Variants in HBS1L observed in about 807,000 individuals in gnomAD.
HBS1L encodes the protein HBS1 like translational GTPase.
Under a neutral mutation model 88.9 loss-of-function variants are expected in HBS1L, and 55 were observed. The observed-to-expected ratio is 0.62, with a 90% CI of 0.50 to 0.77. HBS1L has a LOEUF of 0.77. HBS1L is among the 30% of genes least tolerant of loss of function. HBS1L has a pLI of 0.00. For missense variants in HBS1L, 741 were observed against 829.3 expected (o/e 0.89, Z 1.31); for synonymous variants, 267 against 288.5 (o/e 0.93, Z 0.76).
chr6:135,000,741 C>A (rs1274811039), intron 5 of HBS1L, among the ~76,000 whole-genome samples: 2 of 150,958 alleles, frequency 1.3e-5, no homozygotes, highest in East Asian at 3.9e-4. Flanking sequence ...TAGGCTCAAG[C>A]AATCCTCCCA....
chr6:135,018,441 T>G (rs541690635), intron 4 of HBS1L, among the ~76,000 whole-genome samples: 2 of 152,022 alleles, frequency 1.3e-5, no homozygotes, highest in African/African-American at 2.4e-5. Context: ...AGATTTCAAT[T>G]TTATGTAAAT....
intron 4 of HBS1L, among the ~76,000 whole-genome samples, chr6:135,008,237 T>G (rs546372668): frequency 6.6e-6 from 1 of 152,212 alleles, no homozygotes; most frequent in Non-Finnish European, 1.5e-5. Flanking sequence ...GAACTAATCA[T>G]CCGTTAGGTA....
rs1054598634 is a variant in HBS1L, at chr6:134,963,819, G to A, written c.*1460C>T. ...ATTGTGTGAGCTGCTCGATCTAAAT[G>A]GAATCAAAGCTAGAGCTACCTCTAA... is the stretch of plus-strand genomic sequence containing the variant. On this transcript the variant is annotated 3_prime_UTR_variant, in exon 18 of 18. Transcript: ENST00000367837. The A allele has an allele frequency of 2.0e-5, 3 of 152,040 alleles. No homozygotes were observed. Among genetic ancestry groups the A allele is most frequent in the Non-Finnish European group, 4.4e-5 (3 of 68,014 alleles). 9.4% of individuals were successfully genotyped at this position (152,040 alleles called of 1,614,324 possible).
At chr6:134,985,187 A>G (rs948935385) in intron 12 of HBS1L, among the ~76,000 whole-genome samples, 154 bp downstream of exon 12, 1 of 152,134 alleles carries the variant, frequency 6.6e-6, no homozygotes, top group Non-Finnish European at 1.5e-5. Context: ...AAATCTGTGC[A>G]TTTTAAGATT....
In HBS1L at chr6:134,965,295, T is replaced by C; in HGVS notation, c.2044-5A>G. ...TCTGACCCATCATTCTTTTATCTGT[T>C]AAAACAAAAAAAAAAAAGACATTTG... On this transcript the variant is annotated splice_polypyrimidine_tract_variant and splice_region_variant and intron_variant, in intron 17 of 17. Transcript: ENST00000367837. 1 of 1,531,742 alleles carries C rather than the reference T, an allele frequency of 6.5e-7. No homozygotes were observed. The highest frequency in any genetic ancestry group is 8.9e-7 in the Non-Finnish European group (1 of 1,124,492). 94.9% of individuals were successfully genotyped at this position (1,531,742 alleles called of 1,614,324 possible). A position where few individuals can be genotyped will look rare whatever the true frequency, so the allele number is the denominator to read the frequency against.
At chr6:135,019,299 A>C (rs1207042352) in intron 4 of HBS1L, among the ~76,000 whole-genome samples, 1 of 151,972 alleles carries the variant, frequency 6.6e-6, no homozygotes, top group Non-Finnish European at 1.5e-5. Flanking sequence ...AACTCTGGTC[A>C]TAAAAATCAG....
At chr6:135,051,410 A>G (rs1777079887) in intron 1 of HBS1L, among the ~76,000 whole-genome samples, 2 of 152,160 alleles carry the variant, frequency 1.3e-5, no homozygotes, top group Non-Finnish European at 2.9e-5. Context: ...GGTAACATCT[A>G]TACAAACCAA....
intron 4 of HBS1L, chr6:135,037,354 A>G (rs1776587155): frequency 6.4e-7 from 1 of 1,551,652 alleles, no homozygotes; most frequent in Non-Finnish European, 8.7e-7. Flanking sequence ...ACACTGAGAA[A>G]ACTGCAAATT....
intron 13 of HBS1L, 125 bp from the exon 14 acceptor site, chr6:134,979,393 G>A (rs1473706027): frequency 2.9e-6 from 2 of 688,472 alleles, no homozygotes; most frequent in South Asian, 1.6e-5. Flanking sequence ...TGAATGGATT[G>A]AGAGTAAGAA....
At chr6:134,967,728 G>T (rs1394722610) in intron 16 of HBS1L, among the ~76,000 whole-genome samples, 3 of 152,166 alleles carry the variant, frequency 2.0e-5, no homozygotes, top group South Asian at 2.1e-4. Flanking sequence ...CTGAACAAAA[G>T]AATATAATTT....
chr6:135,017,862 G>A (rs779305329), intron 4 of HBS1L, among the ~76,000 whole-genome samples: 2 of 151,572 alleles, frequency 1.3e-5, no homozygotes, highest in African/African-American at 2.4e-5. Flanking sequence ...ATATTTATAT[G>A]GCTTAGAAAC....
intron 4 of HBS1L, among the ~76,000 whole-genome samples, chr6:135,007,602 A>G (rs1332674273): frequency 6.6e-6 from 1 of 152,204 alleles, no homozygotes; most frequent in Non-Finnish European, 1.5e-5. Context: ...TGAATACATT[A>G]CAAATTCCCC....
intron 4 of HBS1L, chr6:135,036,716 G>C (rs1383087445): frequency 1.9e-6 from 3 of 1,551,300 alleles, no homozygotes; most frequent in Admixed American, 2.0e-5. Context: ...TAGAGGTCAA[G>C]GGTGCGTCGC....
At chr6:135,033,792 T>G (rs1776454359) in intron 4 of HBS1L, among the ~76,000 whole-genome samples, 1 of 151,982 alleles carries the variant, frequency 6.6e-6, no homozygotes, top group African/African-American at 2.4e-5. Flanking sequence ...GTAGATTACA[T>G]AAGTATTTGG....
intron 4 of HBS1L, among the ~76,000 whole-genome samples, chr6:135,029,921 CA>C (rs1201961682): frequency 1.3e-5 from 2 of 152,204 alleles, no homozygotes; most frequent in Non-Finnish European, 2.9e-5. Context: ...CGTACATTCA[CA>C]TATGTGTAAC....
At chr6:134,985,878 C>A (rs1249803375) in intron 11 of HBS1L, among the ~76,000 whole-genome samples, 188 bp downstream of exon 11, 2 of 152,102 alleles carry the variant, frequency 1.3e-5, no homozygotes. Flanking sequence ...GCACTAGCCT[C>A]ATAAACTGAG....
Position 134,996,766 on chromosome 6 carries a change from ATAGTGAC to A in HBS1L, c.965+4_965+10del. On this transcript the variant is annotated splice_donor_5th_base_variant and intron_variant, in intron 7 of 17. Coordinates refer to ENST00000367837, the MANE Select transcript of HBS1L (RefSeq NM_006620.4). ...GATTTCAAACTGAAAATTTTGAAATATAGTGACTACCTTTCCCTTTCTTCGCCAGTTT... is the reference window on the plus strand; with the variant it reads ...GATTTCAAACTGAAAATTTTGAAATATACCTTTCCCTTTCTTCGCCAGTTT... 1 of 1,570,058 alleles carries A rather than the reference ATAGTGAC, an allele frequency of 6.4e-7. No homozygotes were observed. The highest frequency in any genetic ancestry group is 2.3e-5 in the East Asian group (1 of 43,718).
intron 1 of HBS1L, among the ~76,000 whole-genome samples, chr6:135,053,251 T>C (rs566525440): frequency 2.6e-5 from 4 of 152,274 alleles, no homozygotes; most frequent in South Asian, 2.1e-4. Context: ...ATCCCTCCCA[T>C]AGCGTTTTCT....
At chr6:135,036,752 G>A (rs969275811) in intron 4 of HBS1L, 51 of 1,551,270 alleles carry the variant, frequency 3.3e-5, no homozygotes, top group Non-Finnish European at 3.5e-6. Context: ...GGGTAACGAA[G>A]ACACAGTGTT....
Sources: gnomAD v4.1 joint callset for allele counts (sites outside exome capture counted in the v4.1 genomes callset) on GRCh38, gnomAD v4.1.1 for gene constraint, MANE v1.5 for transcripts, NCBI Gene and HGNC (gene_info 2026-07-23, HGNC 2026-07-21) for gene names.